Variants in MAST4 observed in about 807,000 individuals in gnomAD.
MAST4 encodes microtubule associated serine/threonine kinase family member 4, also known as microtubule-associated serine/threonine-protein kinase 4.
MAST4 carries 89 observed loss-of-function variants against 162.7 expected under a neutral mutation model. The observed-to-expected ratio is 0.55, with a 90% confidence interval of 0.46 to 0.65. The LOEUF is 0.65. MAST4 is among the 30% of genes least tolerant of loss of function. The pLI, the probability that MAST4 is intolerant of heterozygous loss-of-function variation, is 0.00. For missense variants in MAST4, 3,153 were observed against 3,374.0 expected (o/e 0.93, Z 1.62); for synonymous variants, 1,479 against 1,361.1 (o/e 1.09, Z -1.91).
chr5:66,900,832 T>C (rs879711697), intron 4 of MAST4, among the ~76,000 whole-genome samples: 7 of 152,140 alleles, frequency 4.6e-5, no homozygotes, highest in African/African-American at 1.2e-4. Context: ...TTGGAAAATT[T>C]CAGCCTTTGC....
At chr5:67,011,381 G>A (rs1017602060) in intron 4 of MAST4, among the ~76,000 whole-genome samples, 2 of 152,180 alleles carry the variant, frequency 1.3e-5, no homozygotes, top group East Asian at 1.9e-4. Flanking sequence ...GGCCTGTTTC[G>A]TAGTTGCTTC....
intron 1 of MAST4, among the ~76,000 whole-genome samples, chr5:66,646,680 A>G (rs1745862028): frequency 6.6e-6 from 1 of 152,260 alleles, no homozygotes; most frequent in South Asian, 2.1e-4. Context: ...CTTAACTCCA[A>G]TTCATGTTTC....
At chr5:66,901,059 T>C (rs1198814150) in intron 4 of MAST4, among the ~76,000 whole-genome samples, 1 of 152,154 alleles carries the variant, frequency 6.6e-6, no homozygotes, top group Admixed American at 6.5e-5. Flanking sequence ...AATTAACTCT[T>C]TCCTCTTCTG....
At chr5:66,665,580 C>T (rs1487675750) in intron 1 of MAST4, among the ~76,000 whole-genome samples, 1 of 152,142 alleles carries the variant, frequency 6.6e-6, no homozygotes, top group African/African-American at 2.4e-5. Context: ...ATCACCTAAC[C>T]CCCAACCCCG....
chr5:66,650,475 GTATAATATTTTTCATCATA>G (rs1257567886), intron 1 of MAST4, among the ~76,000 whole-genome samples: 5 of 152,134 alleles, frequency 3.3e-5, no homozygotes, highest in East Asian at 1.9e-4. Flanking sequence ...GCATATCATT[GTATAATATTTTTCATCATA>G]CAGCTAAAAT....
intron 3 of MAST4, among the ~76,000 whole-genome samples, chr5:66,843,113 A>G: frequency 6.6e-6 from 1 of 152,122 alleles, no homozygotes; most frequent in Non-Finnish European, 1.5e-5. Flanking sequence ...TAAAATGGGG[A>G]ACGATTCAAA....
At chr5:66,751,232 A>G (rs1269788237) in intron 1 of MAST4, among the ~76,000 whole-genome samples, 5 of 152,198 alleles carry the variant, frequency 3.3e-5, no homozygotes, top group Non-Finnish European at 7.4e-5. Context: ...TCTAAAAAGC[A>G]GAGCGCCTCT....
At chr5:66,774,624 C>T (rs1238596243) in intron 2 of MAST4, among the ~76,000 whole-genome samples, 1 of 152,100 alleles carries the variant, frequency 6.6e-6, no homozygotes, top group Non-Finnish European at 1.5e-5. Context: ...CCTATCATTC[C>T]ATTTGCTAGT....
intron 14 of MAST4, among the ~76,000 whole-genome samples, chr5:67,123,851 C>G (rs1767866013): frequency 6.6e-6 from 1 of 152,168 alleles, no homozygotes; most frequent in Admixed American, 6.5e-5. Context: ...TGAAGGGGCC[C>G]AGGACATGTG....
intron 1 of MAST4, among the ~76,000 whole-genome samples, chr5:66,712,810 A>T (rs1429588534): frequency 6.6e-6 from 1 of 152,230 alleles, no homozygotes; most frequent in Non-Finnish European, 1.5e-5. Context: ...ACCTATCTAT[A>T]GAGAAATAAA....
chr5:66,744,475 T>G (rs189204315), intron 1 of MAST4, among the ~76,000 whole-genome samples: 429 of 152,356 alleles, frequency 2.8e-3, no homozygotes, highest in Non-Finnish European at 4.1e-3. Flanking sequence ...GTTCTTGCAC[T>G]GCTATAAAGC....
intron 5 of MAST4, among the ~76,000 whole-genome samples, chr5:67,063,580 T>G (rs1057171822): frequency 6.6e-6 from 1 of 152,152 alleles, no homozygotes; most frequent in African/African-American, 2.4e-5. Flanking sequence ...AACTGATGCC[T>G]AATTTTAATT....
intron 4 of MAST4, among the ~76,000 whole-genome samples, chr5:67,009,301 G>A (rs1050595585): frequency 6.6e-6 from 1 of 152,212 alleles, no homozygotes; most frequent in African/African-American, 2.4e-5. Flanking sequence ...CGAAAGTGAA[G>A]AACAGAGCCT....
chr5:67,040,840 C>CT (rs1030391213), intron 4 of MAST4, among the ~76,000 whole-genome samples: 5 of 152,122 alleles, frequency 3.3e-5, no homozygotes, highest in African/African-American at 1.2e-4. Context: ...TGTAGACAGT[C>CT]TAGCAAGATT....
At chr5:66,813,913 T>C (rs1288963815) in intron 3 of MAST4, among the ~76,000 whole-genome samples, 4 of 152,240 alleles carry the variant, frequency 2.6e-5, no homozygotes, top group East Asian at 1.9e-4. Flanking sequence ...AGAATTGTTT[T>C]GTTGGAAGGT....
chr5:66,748,582 G>A (rs184258566), intron 1 of MAST4, among the ~76,000 whole-genome samples: 3 of 151,098 alleles, frequency 2.0e-5, no homozygotes, highest in East Asian at 1.9e-4. Context: ...ACTGCCTCTC[G>A]GGTTCAAGCA....
chr5:66,634,063 C>T lies in MAST4; in HGVS notation c.363+37045C>T, dbSNP rs1210537269. ...ACTGGTTTGTTTTTTTCTTCTTTTCCATTTATTTATTTAGAGACAGAGTTT... is the reference window on the plus strand; with the variant it reads ...ACTGGTTTGTTTTTTTCTTCTTTTCTATTTATTTATTTAGAGACAGAGTTT... On this transcript the variant is annotated intron_variant, in intron 1 of 28. Transcript: ENST00000403625. Among the ~76,000 whole-genome samples, 5 of 152,086 alleles carry T rather than the reference C, an allele frequency of 3.3e-5. No homozygotes were observed. The South Asian group carries it at 8.3e-4, about 25-fold the overall frequency.
intron 19 of MAST4, 45 bp downstream of exon 19, chr5:67,136,709 T>G (rs576840053): frequency 7.0e-7 from 1 of 1,425,052 alleles, no homozygotes; most frequent in East Asian, 2.5e-5. Flanking sequence ...CAAGAAATAA[T>G]GTCTACATGG....
intron 24 of MAST4, among the ~76,000 whole-genome samples, chr5:67,151,150 G>A (rs369060993): frequency 5.3e-5 from 8 of 152,310 alleles, no homozygotes; most frequent in South Asian, 2.1e-4. Flanking sequence ...TTAGATTCAC[G>A]TAGATGAAAC....
Sources: allele counts gnomAD v4.1 joint callset (sites outside exome capture counted in the v4.1 genomes callset), GRCh38; gene constraint gnomAD v4.1.1; transcripts MANE v1.5; gene names NCBI Gene and HGNC (gene_info 2026-07-23, HGNC 2026-07-21).